Variants in KIAA1217 observed in about 807,000 individuals in gnomAD.
The protein encoded by KIAA1217 is KIAA1217.
In KIAA1217, 88 loss-of-function variants were observed where a neutral mutation model predicts 163.9. The ratio of observed to expected loss-of-function variants is 0.54; its 90% CI spans 0.45 to 0.64. KIAA1217 has a LOEUF of 0.64. Ranked by LOEUF, KIAA1217 falls within the 30% of genes least tolerant of loss-of-function variation. The pLI is 0.00. For synonymous variants in KIAA1217, 903 were observed against 923.1 expected (o/e 0.98, Z 0.39); for missense variants, 2,372 against 2,475.0 (o/e 0.96, Z 0.88).
intron 1 of KIAA1217, among the ~76,000 whole-genome samples, chr10:23,960,863 A>AGAT (rs1844790263): frequency 6.6e-6 from 1 of 152,246 alleles, no homozygotes; most frequent in Non-Finnish European, 1.5e-5. Flanking sequence ...GATATGAACT[A>AGAT]CTGTATCTAA....
intron 1 of KIAA1217, among the ~76,000 whole-genome samples, chr10:23,737,241 T>C (rs6482332): frequency 0.33 from 50,709 of 152,098 alleles, 10,324 homozygotes; most frequent in African/African-American, 0.57. Flanking sequence ...CGCTCTGTCA[T>C]CAGGCTGGAG....
At chr10:24,501,668 T>A in intron 9 of KIAA1217, 123 bp downstream of exon 9, 1 of 594,124 alleles carries the variant, frequency 1.7e-6, no homozygotes, top group South Asian at 2.2e-5. Context: ...GCTTCCTCTC[T>A]CACACACACA....
At chr10:24,400,855 G>A (rs35222323) in intron 3 of KIAA1217, among the ~76,000 whole-genome samples, 2,650 of 151,996 alleles carry the variant, frequency 0.017, 26 homozygotes, top group Non-Finnish European at 0.03. Context: ...GAAAAAAATT[G>A]GGGAAAGACA....
intron 5 of KIAA1217, among the ~76,000 whole-genome samples, chr10:24,451,196 A>T (rs1462951441): frequency 6.6e-6 from 1 of 152,172 alleles, no homozygotes; most frequent in African/African-American, 2.4e-5. Context: ...TGTTGCTCAT[A>T]AAAAAATGTT....
intron 1 of KIAA1217, among the ~76,000 whole-genome samples, chr10:23,990,906 G>A (rs192943085): frequency 1.1e-4 from 16 of 152,244 alleles, no homozygotes; most frequent in Admixed American, 2.0e-4. Flanking sequence ...TAGAAAGAAC[G>A]TTGGAGAACA....
chr10:24,049,084 A>C (rs1327431456), intron 2 of KIAA1217, among the ~76,000 whole-genome samples: 2 of 151,940 alleles, frequency 1.3e-5, no homozygotes, highest in African/African-American at 4.8e-5. Flanking sequence ...ATGAGAAGTA[A>C]TAAATATAAG....
intron 2 of KIAA1217, among the ~76,000 whole-genome samples, chr10:24,030,417 T>C (rs865920456): frequency 6.6e-6 from 1 of 152,152 alleles, no homozygotes; most frequent in African/African-American, 2.4e-5. Context: ...GCCTCTCTCC[T>C]GCCAACACGT....
chr10:23,709,747 C>G (rs546929695), intron 1 of KIAA1217, among the ~76,000 whole-genome samples: 1 of 152,146 alleles, frequency 6.6e-6, no homozygotes, highest in Admixed American at 6.5e-5. Context: ...CTTATTACAC[C>G]TAAACTGTTA....
chr10:24,186,808 T>G (rs1182306958), intron 2 of KIAA1217, among the ~76,000 whole-genome samples: 2 of 152,122 alleles, frequency 1.3e-5, no homozygotes, highest in African/African-American at 4.8e-5. Context: ...AAGAATCACT[T>G]GAACCTGGAA....
At chr10:23,736,370 T>G (rs145140460) in intron 1 of KIAA1217, among the ~76,000 whole-genome samples, 46 of 152,306 alleles carry the variant, frequency 3.0e-4, no homozygotes, top group African/African-American at 1.0e-3. Context: ...GAGTTGTCCC[T>G]CCCTTTTCAT....
chr10:23,987,773 T>C (rs1589192505), intron 1 of KIAA1217, among the ~76,000 whole-genome samples: 2 of 152,322 alleles, frequency 1.3e-5, no homozygotes, highest in African/African-American at 4.8e-5. Context: ...TCTGTATCCT[T>C]TGACCAACAT....
intron 1 of KIAA1217, among the ~76,000 whole-genome samples, chr10:23,912,366 G>T (rs1367191724): frequency 1.3e-5 from 2 of 150,822 alleles, no homozygotes; most frequent in African/African-American, 2.5e-5. Flanking sequence ...TTTGGTTTGG[G>T]GTTATACGTG....
chr10:24,271,317 G>C (rs1181763811), intron 2 of KIAA1217, among the ~76,000 whole-genome samples: 2 of 151,996 alleles, frequency 1.3e-5, no homozygotes, highest in African/African-American at 4.8e-5. Context: ...GAAATTTCAT[G>C]GTCATATATA....
At chr10:23,986,133 A>G (rs967045314) in intron 1 of KIAA1217, among the ~76,000 whole-genome samples, 44 of 152,242 alleles carry the variant, frequency 2.9e-4, no homozygotes, top group African/African-American at 8.4e-4. Flanking sequence ...CACTCTACCA[A>G]GAGTCCCTCA....
intron 2 of KIAA1217, among the ~76,000 whole-genome samples, chr10:24,074,204 C>T (rs1001096947): frequency 6.6e-6 from 1 of 152,074 alleles, no homozygotes; most frequent in Non-Finnish European, 1.5e-5. Context: ...CAAATATTAG[C>T]CAGGTGTTGT....
At chr10:24,233,254 T>C (rs2071709385) in intron 2 of KIAA1217, among the ~76,000 whole-genome samples, 1 of 152,184 alleles carries the variant, frequency 6.6e-6, no homozygotes, top group Admixed American at 6.5e-5. Flanking sequence ...TCTGAGAGGA[T>C]GCAAGAGTGT....
upstream of KIAA1217, among the ~76,000 whole-genome samples, chr10:24,207,867 C>T (rs1475976523): frequency 6.6e-5 from 10 of 152,118 alleles, no homozygotes; most frequent in East Asian, 1.7e-3. Flanking sequence ...ACAGGTCACT[C>T]GAGGTCACAA....
chr10:24,225,039 A>G (rs1010909331), intron 2 of KIAA1217, among the ~76,000 whole-genome samples: 3 of 151,978 alleles, frequency 2.0e-5, no homozygotes, highest in Non-Finnish European at 2.9e-5. Flanking sequence ...GTTAGCCAGG[A>G]TGGTCTCGAT....
intron 2 of KIAA1217, among the ~76,000 whole-genome samples, chr10:24,076,340 C>A (rs1354037951): frequency 6.6e-6 from 1 of 152,186 alleles, no homozygotes; most frequent in Non-Finnish European, 1.5e-5. Context: ...GGCCCCATAG[C>A]CTGGCAGTGT....
Sources: gnomAD v4.1 joint callset for allele counts (sites outside exome capture counted in the v4.1 genomes callset) on GRCh38, gnomAD v4.1.1 for gene constraint, MANE v1.5 for transcripts, NCBI Gene and HGNC (gene_info 2026-07-23, HGNC 2026-07-21) for gene names.